WDFY4: variants seen among roughly 807,000 people sequenced by gnomAD.
WDFY4 encodes WD repeat- and FYVE domain-containing protein 4.
Under a neutral mutation model 351.9 loss-of-function variants are expected in WDFY4, and 169 were observed. The observed-to-expected ratio is 0.48, with a 90% confidence interval of 0.42 to 0.55. WDFY4 has a LOEUF of 0.55. Ranked by LOEUF, WDFY4 falls within the 20% of genes least tolerant of loss-of-function variation. The pLI, the probability that WDFY4 is intolerant of heterozygous loss-of-function variation, is 0.00. For missense variants in WDFY4, 3,803 were observed against 3,935.6 expected (o/e 0.97, Z 0.90); for synonymous variants, 1,622 against 1,574.6 (o/e 1.03, Z -0.71).
intron 10 of WDFY4, 74 bp downstream of exon 10, chr10:48,734,109 G>A (rs1040149855): frequency 7.5e-7 from 1 of 1,327,156 alleles, no homozygotes; most frequent in Non-Finnish European, 1.1e-6. Context: ...TTATGGCAGT[G>A]TTCACAGGTT....
intron 12 of WDFY4, 134 bp downstream of exon 12, chr10:48,743,682 C>A: frequency 9.3e-7 from 1 of 1,070,804 alleles, no homozygotes; most frequent in Non-Finnish European, 1.3e-6. Flanking sequence ...ACCTCAACTT[C>A]CTCAAATCAA....
chr10:48,773,436 T>C (rs1202035837), intron 13 of WDFY4, among the ~76,000 whole-genome samples: 4 of 152,196 alleles, frequency 2.6e-5, no homozygotes, highest in Non-Finnish European at 5.9e-5. Flanking sequence ...TCCCACCCAA[T>C]CCAAACCCTT....
At chr10:48,714,852 T>G (rs1166946459) in intron 2 of WDFY4, among the ~76,000 whole-genome samples, 1 of 152,166 alleles carries the variant, frequency 6.6e-6, no homozygotes, top group Non-Finnish European at 1.5e-5. Flanking sequence ...ATGTGGTAGA[T>G]TAGAGGTGCT....
At chr10:48,766,879 A>C (rs2065689497) in intron 13 of WDFY4, among the ~76,000 whole-genome samples, 1 of 152,244 alleles carries the variant, frequency 6.6e-6, no homozygotes, top group Admixed American at 6.5e-5. Context: ...ATGAACATGC[A>C]TAAGTGAAGC....
intron 2 of WDFY4, among the ~76,000 whole-genome samples, chr10:48,716,766 T>A (rs993867840): frequency 2.6e-5 from 4 of 152,182 alleles, no homozygotes; most frequent in African/African-American, 9.7e-5. Context: ...TGCTTCTGAG[T>A]CAAATGCCTG....
At chr10:48,962,662 G>C (rs1370710583) in intron 53 of WDFY4, among the ~76,000 whole-genome samples, 1 of 152,184 alleles carries the variant, frequency 6.6e-6, no homozygotes, top group Non-Finnish European at 1.5e-5. Context: ...TTCTTTGGAT[G>C]ACACCTTTTA....
chr10:48,834,737 T>C (rs2068321545), intron 39 of WDFY4, among the ~76,000 whole-genome samples: 1 of 152,226 alleles, frequency 6.6e-6, no homozygotes, highest in Non-Finnish European at 1.5e-5. Flanking sequence ...GTTAGGGTGC[T>C]GGGCATGGGC....
chr10:48,778,483 C>T, intron 17 of WDFY4, 128 bp from the exon 18 acceptor site: 1 of 916,098 alleles, frequency 1.1e-6, no homozygotes, highest in Admixed American at 2.3e-5. Flanking sequence ...GGGGAGGAGA[C>T]AACTGGTGAT....
In WDFY4 at chr10:48,700,318, G is replaced by A. The variant is rs1006980652; in HGVS notation, c.-17-9398G>A. Reference sequence around the variant, plus strand: ...ACGTTATGTAGACTGTGCTTTGGGGGCCCTTTACCACATCCTGCAGGAGCT... The same window carrying A: ...ACGTTATGTAGACTGTGCTTTGGGGACCCTTTACCACATCCTGCAGGAGCT... On this transcript the variant is annotated intron_variant, in intron 1 of 61. Coordinates refer to ENST00000325239, the MANE Select transcript of WDFY4 (RefSeq NM_001394531.1). Among the ~76,000 whole-genome samples the A allele has an allele frequency of 5.9e-5, 9 of 152,282 alleles. No homozygotes were observed. In the East Asian group the frequency reaches 1.7e-3, roughly 29 times the overall value.
intron 61 of WDFY4, 145 bp downstream of exon 61, chr10:48,981,623 C>G: frequency 2.8e-6 from 2 of 709,962 alleles, no homozygotes; most frequent in African/African-American, 3.6e-5. Flanking sequence ...CAGGAAGCAG[C>G]CCGTGTGGCC....
intron 51 of WDFY4, among the ~76,000 whole-genome samples, chr10:48,956,870 G>A (rs1431364675): frequency 6.6e-5 from 10 of 152,228 alleles, no homozygotes; most frequent in Admixed American, 4.6e-4. Context: ...GATTTCCATA[G>A]GAGGGAAACA....
chr10:48,840,970 T>G (rs144349921), intron 39 of WDFY4, among the ~76,000 whole-genome samples: 27 of 152,354 alleles, frequency 1.8e-4, no homozygotes, highest in African/African-American at 6.3e-4. Context: ...CTAATTAAGT[T>G]CATTAAGCAT....
intron 22 of WDFY4, 96 bp downstream of exon 22, chr10:48,790,081 G>A: frequency 7.9e-7 from 1 of 1,258,134 alleles, no homozygotes; most frequent in Non-Finnish European, 1.1e-6. Context: ...TGGACAGGAT[G>A]GAGTGTGCCA....
intron 39 of WDFY4, among the ~76,000 whole-genome samples, chr10:48,846,692 A>G (rs2133150275): frequency 6.6e-6 from 1 of 152,338 alleles, no homozygotes; most frequent in South Asian, 2.1e-4. Flanking sequence ...GTGGTGAGTC[A>G]CACAGTAGGA....
intron 47 of WDFY4, among the ~76,000 whole-genome samples, chr10:48,904,689 T>G (rs1837527338): frequency 6.6e-6 from 1 of 152,048 alleles, no homozygotes; most frequent in South Asian, 2.1e-4. Context: ...CCGTACATGC[T>G]CTATCCCGGT....
In WDFY4 at chr10:48,971,226, A is replaced by C. The variant is rs192255563; in HGVS notation, c.8928+937A>C. On this transcript the variant is annotated intron_variant, in intron 57 of 61. Transcript: ENST00000325239. ...TAGAAACAAAAATAAGCTGTACAAA[A>C]TCACTCACGCCTGTAATACCAGCAC... Among the ~76,000 whole-genome samples, 520 of 152,248 alleles carry C rather than the reference A, an allele frequency of 3.4e-3. 2 individuals are homozygous for C. The highest frequency in any genetic ancestry group is 0.012 in the African/African-American group (478 of 41,550).
rs1841959412 is a variant in WDFY4, at chr10:48,963,701, C to T, written c.8224-141C>T. 1.6e-5 allele frequency: 15 copies of T among 945,652 alleles called. No homozygotes were observed. In the South Asian group the frequency reaches 2.1e-4, roughly 13 times the overall value. The allele number at this position is 945,652 out of a possible 1,614,324, so 58.6% of individuals were successfully genotyped here. On this transcript the variant is annotated intron_variant, in intron 53 of 61. Transcript: ENST00000325239. The stretch of plus-strand genomic sequence containing the variant: ...GGCTGGCTCATCCTGCCTCTTTGTG[C>T]TCATCAAGCCCAGGGGCTCATCAAT...
intron 28 of WDFY4, among the ~76,000 whole-genome samples, chr10:48,809,006 A>G (rs1021518504): frequency 6.6e-6 from 1 of 152,200 alleles, no homozygotes; most frequent in Admixed American, 6.5e-5. Context: ...TTTTGCACCA[A>G]CCTAATACTT....
chr10:48,876,911 C>G lies in WDFY4; in HGVS notation c.7001-122C>G, dbSNP rs141466331. 57 of 982,648 alleles carry G rather than the reference C, an allele frequency of 5.8e-5. No individual in the cohort carries two copies. The African/African-American group carries it at 8.4e-4, about 15-fold the overall frequency. The allele number at this position is 982,648 out of a possible 1,614,324, so 60.9% of individuals were successfully genotyped here. ...GTGGAGGGGCACAGTGAGAGATCCA[C>G]GCTCTTCACTTCGGCCCTGGAGCCT... On this transcript the variant is annotated intron_variant, in intron 42 of 61. Coordinates refer to ENST00000325239, the MANE Select transcript of WDFY4 (RefSeq NM_001394531.1).
Sources: allele counts gnomAD v4.1 joint callset (sites outside exome capture counted in the v4.1 genomes callset), GRCh38; gene constraint gnomAD v4.1.1; transcripts MANE v1.5; gene names NCBI Gene and HGNC (gene_info 2026-07-23, HGNC 2026-07-21).